Variants in LRIF1 observed in about 807,000 individuals in gnomAD.
LRIF1 encodes the protein ligand-dependent nuclear receptor-interacting factor 1.
LRIF1 carries 32 observed loss-of-function variants against 52.7 expected under a neutral mutation model. The observed-to-expected ratio is 0.61, with a 90% confidence interval of 0.46 to 0.82. LRIF1 has a LOEUF of 0.82. LRIF1 is among the 40% of genes least tolerant of loss of function. LRIF1 has a pLI of 0.00. For missense variants in LRIF1, 887 were observed against 892.0 expected (o/e 0.99, Z 0.07); for synonymous variants, 323 against 317.4 (o/e 1.02, Z -0.19).
chr1:110,893,281 T>C, the LRIF1 span, among the ~76,000 whole-genome samples: 40 of 152,216 alleles, frequency 2.6e-4, no homozygotes, highest in Non-Finnish European at 4.7e-4. Flanking sequence ...TTTTCCATTA[T>C]GGTTCAACAT....
the LRIF1 span, among the ~76,000 whole-genome samples, chr1:110,909,408 C>A: frequency 6.6e-6 from 1 of 152,136 alleles, no homozygotes; most frequent in Admixed American, 6.5e-5. Flanking sequence ...GGGCTAAACA[C>A]CCCACTTAAA....
At chr1:110,912,400 T>C in the LRIF1 span, among the ~76,000 whole-genome samples, 4 of 152,030 alleles carry the variant, frequency 2.6e-5, no homozygotes, top group East Asian at 7.7e-4. Context: ...TTAGTAGAGA[T>C]GGGGTTTCAC....
chr1:110,908,204 C>T, the LRIF1 span, among the ~76,000 whole-genome samples: 1 of 152,090 alleles, frequency 6.6e-6, no homozygotes, highest in Non-Finnish European at 1.5e-5. Flanking sequence ...ATATAGAAAG[C>T]TTTGGGGAGT....
chr1:110,954,863 C>G (rs1570944936), intron 1 of LRIF1, among the ~76,000 whole-genome samples: 1 of 152,180 alleles, frequency 6.6e-6, no homozygotes, highest in African/African-American at 2.4e-5. Flanking sequence ...TCTTTGCCAA[C>G]TCATACTTTT....
chr1:110,879,898 C>T, the LRIF1 span, among the ~76,000 whole-genome samples: 6 of 152,088 alleles, frequency 3.9e-5, no homozygotes, highest in African/African-American at 1.4e-4. Context: ...TCTATCCAAC[C>T]TTAACCACTT....
the LRIF1 span, among the ~76,000 whole-genome samples, chr1:110,877,397 G>A: frequency 1.3e-5 from 2 of 152,338 alleles, no homozygotes; most frequent in South Asian, 2.1e-4. Context: ...GACCCCGTAT[G>A]TAAAGTTCTG....
chr1:110,894,088 G>C, the LRIF1 span, among the ~76,000 whole-genome samples: 1 of 152,210 alleles, frequency 6.6e-6, no homozygotes, highest in African/African-American at 2.4e-5. Context: ...TGCATGTAGT[G>C]CTCTGATAGG....
intron 2 of LRIF1, among the ~76,000 whole-genome samples, chr1:110,950,619 C>G (rs1348368425): frequency 3.3e-5 from 5 of 151,842 alleles, no homozygotes; most frequent in Non-Finnish European, 5.9e-5. Context: ...AGTAAGCACA[C>G]AGACAGACAA....
the LRIF1 span, among the ~76,000 whole-genome samples, chr1:110,886,869 A>ATATATATATATATATATTTTTTT: frequency 6.8e-4 from 56 of 82,758 alleles, no homozygotes; most frequent in Non-Finnish European, 1.0e-3. Context: ...ATATATATAT[A>ATATATATATATATATATTTTTTT]TTTTTTTTTT....
the LRIF1 span, among the ~76,000 whole-genome samples, chr1:110,905,708 G>A: frequency 6.6e-6 from 1 of 152,026 alleles, no homozygotes; most frequent in East Asian, 1.9e-4. Context: ...AAAGCTCACT[G>A]GTAATAGTAA....
chr1:110,896,393 G>A, the LRIF1 span, among the ~76,000 whole-genome samples: 1 of 152,140 alleles, frequency 6.6e-6, no homozygotes, highest in Admixed American at 6.5e-5. Context: ...CCATTATGCA[G>A]TCCCTGGGTG....
chr1:110,953,126 C>A (rs141048783), intron 1 of LRIF1, among the ~76,000 whole-genome samples: 104 of 152,024 alleles, frequency 6.8e-4, no homozygotes, highest in African/African-American at 2.3e-3. Flanking sequence ...AAAATATTAG[C>A]ATCCTCCCTT....
chr1:110,901,033 A>G, the LRIF1 span, among the ~76,000 whole-genome samples: 386 of 152,294 alleles, frequency 2.5e-3, 1 homozygote, highest in African/African-American at 8.9e-3. Flanking sequence ...AGTTTTATGT[A>G]TCATCTCCCC....
At position 110,959,093 on chromosome 1, in the gene LRIF1, C is replaced by A. The variant is rs1658839751; in HGVS notation, c.68+4528G>T. 2.0e-5 allele frequency among the ~76,000 whole-genome samples: 3 copies of A among 152,256 alleles called. No homozygotes were observed. The South Asian group carries it at 6.2e-4, about 32-fold the overall frequency. On this transcript the variant is annotated intron_variant, in intron 1 of 3. Transcript: ENST00000369763. ...CTAATGTCAGAACTAAAACTAGAAC[C>A]AGATTCTGCATCCCATTTTCTAGTC...
downstream of LRIF1, chr1:110,944,785 T>C (rs1658164322): frequency 6.6e-6 from 1 of 152,136 alleles, no homozygotes; most frequent in East Asian, 1.9e-4. Flanking sequence ...TAGACCTAGA[T>C]TTAATACTGC....
chr1:110,929,364 A>G, the LRIF1 span, among the ~76,000 whole-genome samples: 239 of 152,302 alleles, frequency 1.6e-3, 1 homozygote, highest in Non-Finnish European at 3.1e-3. Context: ...GGATTGAACT[A>G]CTTTACACTT....
the LRIF1 span, among the ~76,000 whole-genome samples, chr1:110,917,400 A>C: frequency 5.3e-5 from 8 of 152,226 alleles, no homozygotes; most frequent in Non-Finnish European, 1.0e-4. Context: ...AAAATTGTGT[A>C]AGTAAAATTT....
At chr1:110,878,259 G>A in the LRIF1 span, among the ~76,000 whole-genome samples, 5 of 152,144 alleles carry the variant, frequency 3.3e-5, no homozygotes, top group Admixed American at 3.3e-4. Flanking sequence ...CCTACATTTG[G>A]GAGCCCTCAC....
chr1:110,959,965 T>C (rs1658878789), intron 1 of LRIF1, among the ~76,000 whole-genome samples: 1 of 152,056 alleles, frequency 6.6e-6, no homozygotes, highest in South Asian at 2.1e-4. Flanking sequence ...TTACTATCTA[T>C]GACATAACAT....
Sources: gnomAD v4.1 joint callset for allele counts (sites outside exome capture counted in the v4.1 genomes callset) on GRCh38, gnomAD v4.1.1 for gene constraint, MANE v1.5 for transcripts, NCBI Gene and HGNC (gene_info 2026-07-23, HGNC 2026-07-21) for gene names.